The following LUZP2 variants were observed in gnomAD, a reference collection of about 807,000 sequenced individuals.
The protein encoded by LUZP2 is leucine zipper protein 2.
LUZP2 carries 52 observed loss-of-function variants against 51.6 expected under a neutral mutation model. The ratio of observed to expected loss-of-function variants is 1.01; its 90% confidence interval spans 0.81 to 1.27. The LOEUF is 1.27. Among genes scored for constraint, LUZP2 ranks in the 50% most tolerant of loss-of-function variants. The pLI is 0.00. For missense variants in LUZP2, 436 were observed against 395.4 expected (o/e 1.10, Z -0.87); for synonymous variants, 154 against 137.3 (o/e 1.12, Z -0.85).
rs780150580 is a variant in LUZP2 at position 24,564,461 on chromosome 11, C to T, written c.62+67156C>T. 1.5e-4 allele frequency among the ~76,000 whole-genome samples: 23 copies of T among 152,028 alleles called. 1 individual carries two copies. The highest frequency in any genetic ancestry group is 3.2e-4 in the Non-Finnish European group (22 of 68,004). ...TTCCTCTTGAACTATTAAGATAATG[C>T]AAAAATAATCTTAATGGAGCATACA... On this transcript the variant is annotated intron_variant, in intron 1 of 11. Transcript: ENST00000336930.
chr11:24,818,810 T>C (rs942802054), intron 5 of LUZP2, among the ~76,000 whole-genome samples: 5 of 152,058 alleles, frequency 3.3e-5, no homozygotes, highest in Admixed American at 2.6e-4. Flanking sequence ...TTCTTATATA[T>C]TTTTAACTCC....
chr11:24,581,832 G>A (rs566554060), intron 1 of LUZP2, among the ~76,000 whole-genome samples: 1 of 152,122 alleles, frequency 6.6e-6, no homozygotes, highest in South Asian at 2.1e-4. Context: ...TAGCAGTTAT[G>A]TGCTATCAAA....
intron 1 of LUZP2, among the ~76,000 whole-genome samples, chr11:24,705,272 A>G (rs1460397931): frequency 2.0e-5 from 3 of 152,218 alleles, no homozygotes; most frequent in African/African-American, 7.2e-5. Context: ...AAGTGAAAAG[A>G]GAAAAATAGA....
At chr11:24,897,895 C>T (rs1042090787) in intron 5 of LUZP2, among the ~76,000 whole-genome samples, 2 of 152,032 alleles carry the variant, frequency 1.3e-5, no homozygotes, top group Admixed American at 6.6e-5. Context: ...TTTGCCTTGC[C>T]TTTAACATGG....
intron 9 of LUZP2, among the ~76,000 whole-genome samples, chr11:24,998,212 G>T (rs564936287): frequency 2.0e-5 from 3 of 151,628 alleles, no homozygotes; most frequent in African/African-American, 7.3e-5. Flanking sequence ...ACCTTGGGCA[G>T]TATGGCCATT....
chr11:24,823,215 C>A (rs541125876), intron 5 of LUZP2, among the ~76,000 whole-genome samples: 1 of 152,074 alleles, frequency 6.6e-6, no homozygotes, highest in Non-Finnish European at 1.5e-5. Flanking sequence ...AACATTTTAG[C>A]TGAATCCCAA....
intron 1 of LUZP2, among the ~76,000 whole-genome samples, chr11:24,517,873 G>T (rs1405504974): frequency 6.6e-6 from 1 of 151,930 alleles, no homozygotes; most frequent in African/African-American, 2.4e-5. Flanking sequence ...TTTAATTATA[G>T]AAAATTCCTG....
chr11:24,635,724 G>C lies in LUZP2; in HGVS notation c.63-93445G>C, dbSNP rs559512512. 5.3e-5 allele frequency among the ~76,000 whole-genome samples: 8 copies of C among 152,214 alleles called. 1 individual carries two copies. In the South Asian group the frequency reaches 1.4e-3, roughly 28 times the overall value. ...AATTTGGAGAGAAAAGAAGCTGTCA[G>C]ACCCTGTGAAACTTGAAACAAATCA... On this transcript the variant is annotated intron_variant, in intron 1 of 11. Transcript: ENST00000336930.
chr11:24,677,495 T>C (rs1325969233), intron 1 of LUZP2, among the ~76,000 whole-genome samples: 8 of 152,220 alleles, frequency 5.3e-5, no homozygotes. Context: ...TATTCTTCTC[T>C]ATCAGGAATT....
chr11:24,994,747 G>A (rs562673080), intron 9 of LUZP2, among the ~76,000 whole-genome samples: 15 of 152,194 alleles, frequency 9.9e-5, no homozygotes, highest in East Asian at 3.9e-4. Context: ...TTAAATCTTC[G>A]AATATTCTAT....
intron 9 of LUZP2, among the ~76,000 whole-genome samples, chr11:25,030,904 TAA>T (rs1857632269): frequency 2.1e-5 from 1 of 46,814 alleles, no homozygotes; most frequent in Non-Finnish European, 3.9e-5. Context: ...TATATATATA[TAA>T]TATATATTGT....
chr11:24,707,954 C>G (rs1156913798), intron 1 of LUZP2, among the ~76,000 whole-genome samples: 1 of 152,068 alleles, frequency 6.6e-6, no homozygotes, highest in Non-Finnish European at 1.5e-5. Flanking sequence ...TGTCATTCCC[C>G]CATTGGCTAG....
intron 5 of LUZP2, among the ~76,000 whole-genome samples, chr11:24,852,467 G>A (rs1419806701): frequency 1.3e-5 from 2 of 152,178 alleles, no homozygotes; most frequent in African/African-American, 2.4e-5. Context: ...TGTGGTCTGA[G>A]AGACTGTTTG....
chr11:24,754,236 A>G (rs1232637819), intron 4 of LUZP2, among the ~76,000 whole-genome samples: 3 of 152,146 alleles, frequency 2.0e-5, no homozygotes, highest in African/African-American at 4.8e-5. Context: ...GCCTCAAGCA[A>G]TCCTTCTACC....
intron 7 of LUZP2, among the ~76,000 whole-genome samples, chr11:24,961,873 C>T (rs1182113566): frequency 1.3e-5 from 2 of 151,640 alleles, no homozygotes; most frequent in Non-Finnish European, 2.9e-5. Context: ...CATGATTTTG[C>T]AGTGGCTGGT....
intron 5 of LUZP2, among the ~76,000 whole-genome samples, chr11:24,866,697 A>T (rs1190121085): frequency 6.6e-6 from 1 of 152,242 alleles, no homozygotes; most frequent in Non-Finnish European, 1.5e-5. Context: ...CCAACATAGT[A>T]GGTAACATGA....
intron 5 of LUZP2, chr11:24,891,556 T>A: frequency 2.2e-6 from 2 of 930,036 alleles, no homozygotes; most frequent in Non-Finnish European, 2.6e-6. Context: ...AAAAGAAAGT[T>A]CACATATGTT....
chr11:24,916,252 T>A (rs1853785841), intron 7 of LUZP2, among the ~76,000 whole-genome samples: 1 of 152,058 alleles, frequency 6.6e-6, no homozygotes, highest in Non-Finnish European at 1.5e-5. Context: ...TTACTTTATA[T>A]CCTCCTTGAT....
At chr11:24,981,984 C>T (rs1235791385) in intron 8 of LUZP2, among the ~76,000 whole-genome samples, 2 of 151,836 alleles carry the variant, frequency 1.3e-5, no homozygotes, top group African/African-American at 2.4e-5. Context: ...AGAAGACACA[C>T]ATGTGGCCAA....
Sources: allele counts gnomAD v4.1 joint callset (sites outside exome capture counted in the v4.1 genomes callset), GRCh38; gene constraint gnomAD v4.1.1; transcripts MANE v1.5; gene names NCBI Gene and HGNC (gene_info 2026-07-23, HGNC 2026-07-21).